Variants in GAN observed in about 807,000 individuals in gnomAD.
The protein encoded by GAN is epididymis secretory sperm binding protein.
GAN carries 48 observed loss-of-function variants against 71.3 expected under a neutral mutation model. The observed-to-expected ratio is 0.67, with a 90% CI of 0.53 to 0.86. The LOEUF (loss-of-function observed/expected upper bound fraction) is 0.86. Among genes scored for constraint, GAN ranks in the 40% least tolerant of loss-of-function variants. GAN has a pLI of 0.00. For missense variants in GAN, 928 were observed against 770.1 expected (o/e 1.21, Z -2.43); for synonymous variants, 386 against 276.8 (o/e 1.39, Z -3.92).
chr16:81,339,909 A>T (rs903879600), intron 1 of GAN, among the ~76,000 whole-genome samples: 4 of 152,154 alleles, frequency 2.6e-5, no homozygotes, highest in Admixed American at 2.6e-4. Context: ...TAAAGTTTTG[A>T]TACTTAACCT....
At chr16:81,331,342 A>C (rs1457745902) in intron 1 of GAN, among the ~76,000 whole-genome samples, 1 of 152,244 alleles carries the variant, frequency 6.6e-6, no homozygotes, top group African/African-American at 2.4e-5. Context: ...TAACTGCAGG[A>C]TGGGACTAGA....
Position 81,354,474 on chromosome 16 carries a change from A to G in GAN, c.352A>G (p.Lys118Glu). Residue 118 changes from lysine to glutamate, a missense_variant, in exon 3 of 11, where the codon AAA (lysine) becomes GAA (glutamate). Physicochemically the swap from Lys to Glu is moderately conservative, Grantham distance 56. Transcript: ENST00000648994. ...TGACCTGCTGCTACTGACGGACCTT[A>G]AAACCCTGTGCTGTGAGTTTTTGGA... Reference protein sequence around the residue: ...AADLLLLTDLKTLCCEFLEGC... With the variant: ...AADLLLLTDLETLCCEFLEGC... 6.2e-7 allele frequency: 1 copy of G among 1,614,078 alleles called. No homozygotes were observed. Among genetic ancestry groups the G allele is most frequent in the Non-Finnish European group, 8.5e-7 (1 of 1,179,912 alleles).
intron 1 of GAN, among the ~76,000 whole-genome samples, chr16:81,332,032 A>G (rs1171098959): frequency 2.0e-5 from 3 of 152,140 alleles, no homozygotes; most frequent in East Asian, 3.9e-4. Flanking sequence ...ATGGTGGCGC[A>G]TGCCTGTGAT....
At chr16:81,316,275 A>G (rs969417918) in intron 1 of GAN, among the ~76,000 whole-genome samples, 1 of 152,184 alleles carries the variant, frequency 6.6e-6, no homozygotes, top group African/African-American at 2.4e-5. Context: ...AGAGAATATC[A>G]CTACAATTGA....
intron 1 of GAN, among the ~76,000 whole-genome samples, chr16:81,324,521 C>A (rs976891538): frequency 1.3e-5 from 2 of 152,114 alleles, no homozygotes; most frequent in Non-Finnish European, 2.9e-5. Context: ...CAGAACACCA[C>A]ATACCTGGAG....
At chr16:81,323,698 TC>T (rs1249599480) in intron 1 of GAN, among the ~76,000 whole-genome samples, 1 of 152,190 alleles carries the variant, frequency 6.6e-6, no homozygotes, top group Non-Finnish European at 1.5e-5. Flanking sequence ...AGGAGATAAC[TC>T]AAGACATCTC....
At chr16:81,365,285 G>A in intron 8 of GAN, 65 bp from the exon 9 acceptor site, 1 of 1,607,056 alleles carries the variant, frequency 6.2e-7, no homozygotes, top group Non-Finnish European at 8.5e-7. Flanking sequence ...AGCATAAGAG[G>A]AACGCGGGAG....
In GAN at chr16:81,385,632, G is replaced by A. The variant is rs1904377389; in HGVS notation, c.*8036G>A. 6.6e-6 allele frequency: 1 copy of A among 152,330 alleles called. No homozygotes were observed. Among genetic ancestry groups the A allele is most frequent in the African/African-American group, 2.4e-5 (1 of 41,432 alleles). 9.4% of individuals were successfully genotyped at this position (152,330 alleles called of 1,614,324 possible). A position where few individuals can be genotyped will look rare whatever the true frequency, so the allele number is the denominator to read the frequency against. On this transcript the variant is annotated 3_prime_UTR_variant, in exon 11 of 11. Transcript: ENST00000648994. ...CCATGATTATGTCACCTCTCAACATGGGGTGGTGGGAGGCCCTGTGGATGA... is the reference window on the plus strand; with the variant it reads ...CCATGATTATGTCACCTCTCAACATAGGGTGGTGGGAGGCCCTGTGGATGA...
intron 1 of GAN, among the ~76,000 whole-genome samples, chr16:81,349,620 G>T (rs1326401742): frequency 6.6e-6 from 1 of 152,052 alleles, no homozygotes; most frequent in Non-Finnish European, 1.5e-5. Flanking sequence ...CTCCAGACTG[G>T]GTGACAGAGT....
Position 81,356,922 on chromosome 16 carries a change from G to A in GAN, c.771G>A (p.Gln257=), listed in dbSNP as rs776154851. The A allele has an allele frequency of 6.2e-7, 1 of 1,613,936 alleles. No individual in the cohort carries two copies. The highest frequency in any genetic ancestry group is 8.5e-7 in the Non-Finnish European group (1 of 1,179,880). ...ECSNIPLSQP[Q]QGEAMLANFK... is the part of the protein sequence containing the mutation. The stretch of plus-strand genomic sequence containing the variant: ...GCAATATACCGCTCAGCCAGCCGCA[G>A]CAAGGGGAGGCGATGCTGGCCAACT... The change falls in exon 4 of 11, where the codon CAG becomes CAA. Residue 257 remains glutamine (Q), a synonymous_variant. Coordinates refer to ENST00000648994, the MANE Select transcript of GAN (RefSeq NM_022041.4).
In GAN at chr16:81,390,441, G is replaced by C. The variant is rs1304868705; in HGVS notation, c.*12845G>C. Reference sequence around the variant, plus strand: ...AGTAATACTGATGCAAAAAGGATTTGTTAACCTAAATTAAGTAGCACGCAC... The same window carrying C: ...AGTAATACTGATGCAAAAAGGATTTCTTAACCTAAATTAAGTAGCACGCAC... On this transcript the variant is annotated 3_prime_UTR_variant, in exon 11 of 11. Coordinates refer to ENST00000648994, the MANE Select transcript of GAN (RefSeq NM_022041.4). 1.3e-5 allele frequency: 2 copies of C among 152,196 alleles called. No individual in the cohort carries two copies. The highest frequency in any genetic ancestry group is 2.9e-5 in the Non-Finnish European group (2 of 68,040). The allele number at this position is 152,196 out of a possible 1,614,324, so 9.4% of individuals were successfully genotyped here. A position where few individuals can be genotyped will look rare whatever the true frequency, so the allele number is the denominator to read the frequency against.
intron 1 of GAN, among the ~76,000 whole-genome samples, chr16:81,347,474 T>A (rs1446346122): frequency 6.6e-6 from 1 of 152,242 alleles, no homozygotes; most frequent in African/African-American, 2.4e-5. Context: ...TTTCACTTCC[T>A]TCCTGTTTGG....
At chr16:81,329,625 T>C (rs961917960) in intron 1 of GAN, among the ~76,000 whole-genome samples, 4 of 152,190 alleles carry the variant, frequency 2.6e-5, no homozygotes, top group Non-Finnish European at 5.9e-5. Flanking sequence ...TAAGTGTTTA[T>C]CTTGACCTGT....
At chr16:81,374,758 T>G (rs1597412327) in intron 9 of GAN, among the ~76,000 whole-genome samples, 1 of 152,216 alleles carries the variant, frequency 6.6e-6, no homozygotes, top group African/African-American at 2.4e-5. Flanking sequence ...CAGGCCCCTC[T>G]TGTATTTTCT....
intron 1 of GAN, among the ~76,000 whole-genome samples, chr16:81,321,184 G>GT: frequency 6.6e-6 from 1 of 152,266 alleles, no homozygotes; most frequent in Admixed American, 6.5e-5. Context: ...TTTTTGGAAG[G>GT]TTTCAAATGA....
chr16:81,364,689 TAATA>T lies in GAN; in HGVS notation c.1237-270_1237-267del, dbSNP rs869071607. Among the ~76,000 whole-genome samples the T allele has an allele frequency of 4.6e-5, 7 of 152,192 alleles. 1 individual carries two copies. The highest frequency in any genetic ancestry group is 1.2e-4 in the African/African-American group (5 of 41,550). ...AGGCAACTGAACGAGACCCTGTCTC[TAATA>T]AATAAATAAATAAAAATGAGGCTTT... On this transcript the variant is annotated intron_variant, in intron 7 of 10. Coordinates refer to ENST00000648994, the MANE Select transcript of GAN (RefSeq NM_022041.4).
At chr16:81,358,233 C>T (rs138696989) in intron 5 of GAN, among the ~76,000 whole-genome samples, 6 of 152,318 alleles carry the variant, frequency 3.9e-5, no homozygotes, top group African/African-American at 9.6e-5. Context: ...TGTAGGGCCA[C>T]ACCTGGAACA....
chr16:81,315,592 G>A (rs1427129154), intron 1 of GAN, among the ~76,000 whole-genome samples: 1 of 152,046 alleles, frequency 6.6e-6, no homozygotes, highest in Non-Finnish European at 1.5e-5. Context: ...GCGAGCGCCC[G>A]ACCTCGGAGA....
At chr16:81,320,554 A>G (rs1909190954) in intron 1 of GAN, among the ~76,000 whole-genome samples, 1 of 152,202 alleles carries the variant, frequency 6.6e-6, no homozygotes, top group Non-Finnish European at 1.5e-5. Context: ...TATTTTCATA[A>G]TCTTTTCTTC....
Sources: gnomAD v4.1 joint callset for allele counts (sites outside exome capture counted in the v4.1 genomes callset) on GRCh38, gnomAD v4.1.1 for gene constraint, MANE v1.5 for transcripts, NCBI Gene and HGNC (gene_info 2026-07-23, HGNC 2026-07-21) for gene names.